Variants in STXBP5L observed in about 807,000 individuals in gnomAD.
The protein encoded by STXBP5L is syntaxin binding protein 5L, also known as syntaxin-binding protein 5-like.
Under a neutral mutation model 144.5 loss-of-function variants are expected in STXBP5L, and 65 were observed. The observed-to-expected ratio is 0.45, with a 90% confidence interval of 0.37 to 0.55. The LOEUF is 0.55. STXBP5L is among the 20% of genes least tolerant of loss of function. STXBP5L has a pLI of 0.00. For synonymous variants in STXBP5L, 505 were observed against 469.6 expected, an observed-to-expected ratio of 1.08 and a Z score of -0.97; for missense variants, 1,298 against 1,405.5, an observed-to-expected ratio of 0.92 and a Z score of 1.22.
At chr3:121,167,169 A>G (rs1387900590) in intron 9 of STXBP5L, among the ~76,000 whole-genome samples, 1 of 152,156 alleles carries the variant, frequency 6.6e-6, no homozygotes, top group East Asian at 1.9e-4. Context: ...AAATCAGAAC[A>G]CATATCAACA....
In STXBP5L at chr3:121,121,689, A is replaced by C; in HGVS notation, c.654A>C (p.Pro218=). 1 of 1,602,636 alleles carries C rather than the reference A, an allele frequency of 6.2e-7. No individual in the cohort carries two copies. The highest frequency in any genetic ancestry group is 1.1e-5 in the South Asian group (1 of 90,134). ...CAGTTGTACATTTAAGCGATAGCCC[A>C]AGAGATGAAGGCAAAGTGAGTATTA... ...PGPVVHLSDS[P]RDEGKLLIGY... is the part of the protein sequence containing the mutation. The change falls in exon 7 of 27, where the codon CCA becomes CCC. Residue 218 remains proline (P), a synonymous_variant. Coordinates refer to ENST00000471454, the MANE Select transcript of STXBP5L (RefSeq NM_001308330.2).
chr3:121,000,820 C>G (rs190459884), intron 3 of STXBP5L, among the ~76,000 whole-genome samples: 51 of 152,140 alleles, frequency 3.4e-4, no homozygotes. Flanking sequence ...TTTGAATGTT[C>G]GACTGTGGTA....
chr3:120,987,841 A>T (rs867719463), intron 3 of STXBP5L, among the ~76,000 whole-genome samples: 10 of 151,746 alleles, frequency 6.6e-5, no homozygotes, highest in Admixed American at 4.6e-4. Flanking sequence ...TATTCCTTTT[A>T]TTTGCTTTCT....
chr3:120,992,037 G>A, intron 3 of STXBP5L, among the ~76,000 whole-genome samples: 1 of 151,972 alleles, frequency 6.6e-6, no homozygotes, highest in East Asian at 1.9e-4. Flanking sequence ...CCATGTTTTT[G>A]CTTTAAATTG....
intron 9 of STXBP5L, among the ~76,000 whole-genome samples, chr3:121,165,913 T>A (rs182192027): frequency 6.6e-6 from 1 of 152,184 alleles, no homozygotes; most frequent in Non-Finnish European, 1.5e-5. Flanking sequence ...TAGATTTATA[T>A]TTTTTATTTG....
chr3:121,167,708 C>T (rs903139942), intron 9 of STXBP5L, among the ~76,000 whole-genome samples: 1 of 152,222 alleles, frequency 6.6e-6, no homozygotes, highest in Non-Finnish European at 1.5e-5. Context: ...AAACCCTCAT[C>T]TCCCTGGGAG....
intron 16 of STXBP5L, 28 bp downstream of exon 16, chr3:121,255,140 T>C (rs531659196): frequency 6.6e-7 from 1 of 1,507,966 alleles, no homozygotes; most frequent in African/African-American, 1.4e-5. Context: ...TAACTTTCAC[T>C]TTTACAGTTA....
At chr3:121,077,747 G>C (rs574545495) in intron 5 of STXBP5L, among the ~76,000 whole-genome samples, 1 of 152,088 alleles carries the variant, frequency 6.6e-6, no homozygotes, top group South Asian at 2.1e-4. Context: ...GGTTCTCCAC[G>C]TCCCCACTAG....
chr3:121,141,684 G>C (rs1485495776), intron 7 of STXBP5L, among the ~76,000 whole-genome samples: 1 of 152,062 alleles, frequency 6.6e-6, no homozygotes, highest in Non-Finnish European at 1.5e-5. Context: ...GTATACTATT[G>C]AACTTAAGGT....
chr3:121,341,213 A>G (rs2044697814), intron 20 of STXBP5L, among the ~76,000 whole-genome samples: 1 of 152,164 alleles, frequency 6.6e-6, no homozygotes, highest in East Asian at 1.9e-4. Flanking sequence ...CTGAGTAGAC[A>G]TTTCTCAACA....
At chr3:121,347,105 A>G (rs1434853509) in intron 20 of STXBP5L, among the ~76,000 whole-genome samples, 1 of 152,180 alleles carries the variant, frequency 6.6e-6, no homozygotes, top group Non-Finnish European at 1.5e-5. Context: ...TTAAGTCTTT[A>G]ATCCATCTTG....
chr3:121,181,547 AAC>A (rs1424232609), intron 9 of STXBP5L, among the ~76,000 whole-genome samples: 1 of 152,220 alleles, frequency 6.6e-6, no homozygotes, highest in African/African-American at 2.4e-5. Context: ...CAACCTGGCC[AAC>A]ATGGTGAAAC....
At chr3:121,011,537 T>G (rs1329247688) in intron 3 of STXBP5L, among the ~76,000 whole-genome samples, 1 of 151,712 alleles carries the variant, frequency 6.6e-6, no homozygotes, top group Non-Finnish European at 1.5e-5. Flanking sequence ...CTCTCAAGCT[T>G]CATCCTCATT....
intron 9 of STXBP5L, among the ~76,000 whole-genome samples, chr3:121,195,040 C>T (rs1436859026): frequency 2.6e-5 from 4 of 151,278 alleles, no homozygotes; most frequent in Non-Finnish European, 5.9e-5. Context: ...CTCGGCCTCC[C>T]GAGTAGCTGA....
At chr3:121,195,058 G>A (rs1360663146) in intron 9 of STXBP5L, among the ~76,000 whole-genome samples, 2 of 151,418 alleles carry the variant, frequency 1.3e-5, no homozygotes, top group Non-Finnish European at 2.9e-5. Context: ...TGAGACTACA[G>A]GCACACGCCA....
intron 18 of STXBP5L, among the ~76,000 whole-genome samples, chr3:121,265,173 C>A (rs1271344870): frequency 2.6e-5 from 4 of 152,158 alleles, no homozygotes; most frequent in Non-Finnish European, 2.9e-5. Flanking sequence ...AATATACATT[C>A]TTCTCAGCAC....
intron 5 of STXBP5L, among the ~76,000 whole-genome samples, chr3:121,089,091 A>AC (rs2042641531): frequency 4.5e-5 from 3 of 66,680 alleles, no homozygotes; most frequent in South Asian, 5.4e-4. Flanking sequence ...TTAGAGTATA[A>AC]TAAAAAAAAA....
rs567010560 is a variant in STXBP5L, at chr3:121,076,352, G to T, written c.470+30817G>T. On this transcript the variant is annotated intron_variant, in intron 5 of 26. Transcript: ENST00000471454. ...CAGGGATGGATAAATTGGTGCATAG[G>T]GGGGTGGACTTTCTAACTCTTCAGG... Among the ~76,000 whole-genome samples the T allele has an allele frequency of 7.7e-4, 117 of 152,262 alleles. 2 individuals are homozygous for T. In the South Asian group the frequency reaches 0.023, roughly 30 times the overall value.
chr3:121,126,509 T>C (rs1306554993), intron 7 of STXBP5L, among the ~76,000 whole-genome samples: 2 of 152,280 alleles, frequency 1.3e-5, no homozygotes, highest in South Asian at 2.1e-4. Flanking sequence ...GACATCACAG[T>C]TACTTTAAAA....
Sources: allele counts gnomAD v4.1 joint callset (sites outside exome capture counted in the v4.1 genomes callset), GRCh38; gene constraint gnomAD v4.1.1; transcripts MANE v1.5; gene names NCBI Gene and HGNC (gene_info 2026-07-23, HGNC 2026-07-21).